Variants in SH3PXD2B observed in about 807,000 individuals in gnomAD.
SH3PXD2B encodes SH3 and PX domains 2B, also known as SH3 and PX domain-containing protein 2B.
SH3PXD2B carries 37 observed loss-of-function variants against 73.1 expected under a neutral mutation model. The ratio of observed to expected loss-of-function variants is 0.51; its 90% CI spans 0.39 to 0.67. The LOEUF is 0.67. Ranked by LOEUF, SH3PXD2B falls within the 30% of genes least tolerant of loss-of-function variation. The pLI is 0.00. For synonymous variants in SH3PXD2B, 457 were observed against 480.5 expected (o/e 0.95, Z 0.64); for missense variants, 1,053 against 1,197.8 (o/e 0.88, Z 1.78).
chr5:172,332,813 C>T (rs73317767), downstream of SH3PXD2B, among the ~76,000 whole-genome samples: 1,870 of 152,154 alleles, frequency 0.012, 36 homozygotes, highest in African/African-American at 0.042. Flanking sequence ...TGCTTGGGCA[C>T]TGCCTTTGGG....
intron 5 of SH3PXD2B, among the ~76,000 whole-genome samples, chr5:172,381,193 G>A (rs911462181): frequency 7.2e-5 from 11 of 152,190 alleles, no homozygotes; most frequent in Non-Finnish European, 1.3e-4. Flanking sequence ...GGCATCCAGC[G>A]AACGCAGCGC....
At chr5:172,444,189 G>A (rs1759610337) in intron 1 of SH3PXD2B, among the ~76,000 whole-genome samples, 1 of 152,176 alleles carries the variant, frequency 6.6e-6, no homozygotes, top group African/African-American at 2.4e-5. Flanking sequence ...GCCAGTCAGA[G>A]TCTCTCCTGG....
rs188807012 is a variant in SH3PXD2B, at chr5:172,355,657, G to A, written c.668-1652C>T. ...CCTCCCGGGTTCACGCCATTCTCCTGCCTCAGCCTCCCGAGTAGCTGGGAC... is the reference window on the plus strand; with the variant it reads ...CCTCCCGGGTTCACGCCATTCTCCTACCTCAGCCTCCCGAGTAGCTGGGAC... On this transcript the variant is annotated intron_variant, in intron 8 of 12. Coordinates refer to ENST00000311601, the MANE Select transcript of SH3PXD2B (RefSeq NM_001017995.3). Among the ~76,000 whole-genome samples, 308 of 151,792 alleles carry A rather than the reference G, an allele frequency of 2.0e-3. 1 individual carries two copies. The highest frequency in any genetic ancestry group is 3.6e-3 in the Admixed American group (55 of 15,226).
intron 7 of SH3PXD2B, among the ~76,000 whole-genome samples, chr5:172,360,927 C>T (rs1757389535): frequency 1.3e-5 from 2 of 152,230 alleles, no homozygotes; most frequent in South Asian, 4.1e-4. Context: ...GACGTGCACA[C>T]AGACATGTTC....
intron 6 of SH3PXD2B, among the ~76,000 whole-genome samples, chr5:172,365,538 G>C (rs554134361): frequency 6.6e-6 from 1 of 152,218 alleles, no homozygotes; most frequent in Non-Finnish European, 1.5e-5. Flanking sequence ...ATCTCTGGGT[G>C]TCTCAAGGCT....
intron 1 of SH3PXD2B, among the ~76,000 whole-genome samples, chr5:172,442,508 A>G (rs1368368070): frequency 6.6e-6 from 1 of 152,218 alleles, no homozygotes; most frequent in Non-Finnish European, 1.5e-5. Context: ...ATAAACATTT[A>G]GGCTACTTTG....
chr5:172,345,483 C>T (rs1756974534), intron 12 of SH3PXD2B, among the ~76,000 whole-genome samples: 1 of 152,272 alleles, frequency 6.6e-6, no homozygotes, highest in South Asian at 2.1e-4. Context: ...TTTGGTGATA[C>T]CTGTGATTGG....
At chr5:172,396,377 C>CA (rs1241312065) in intron 3 of SH3PXD2B, among the ~76,000 whole-genome samples, 101 of 135,410 alleles carry the variant, frequency 7.5e-4, no homozygotes, top group Admixed American at 2.0e-3. Flanking sequence ...GACTCCGTCT[C>CA]AAAAAAAAAA....
chr5:172,414,383 C>T (rs369920960), intron 2 of SH3PXD2B, among the ~76,000 whole-genome samples: 2 of 144,922 alleles, frequency 1.4e-5, no homozygotes, highest in South Asian at 2.2e-4. Context: ...GTGGGGGAAT[C>T]GTTTGAACCC....
Position 172,362,888 on chromosome 5 carries a change from C to T in SH3PXD2B, c.428-19G>A. ...TCACCCCCTGTGGATAGGAAACAGA[C>T]ATGACATCTGGCCACCACTCATGCA... On this transcript the variant is annotated intron_variant, in intron 6 of 12. Transcript: ENST00000311601. 6.2e-7 allele frequency: 1 copy of T among 1,613,922 alleles called. No homozygotes were observed. Among genetic ancestry groups the T allele is most frequent in the Non-Finnish European group, 8.5e-7 (1 of 1,180,020 alleles).
At chr5:172,437,966 C>T (rs1332031930) in intron 1 of SH3PXD2B, among the ~76,000 whole-genome samples, 1 of 152,206 alleles carries the variant, frequency 6.6e-6, no homozygotes, top group Non-Finnish European at 1.5e-5. Flanking sequence ...CTCATTCATT[C>T]ATTCATTTGG....
At position 172,407,737 on chromosome 5, in the gene SH3PXD2B, G is replaced by A. The variant is rs1407533006; in HGVS notation, c.157-1385C>T. ...CACCAGCTATTGTGTAGGCATTTGG[G>A]GAGGGAGGGGAGGACCCGAAGTGGG... is the stretch of plus-strand genomic sequence containing the variant. On this transcript the variant is annotated intron_variant, in intron 2 of 12. Coordinates refer to ENST00000311601, the MANE Select transcript of SH3PXD2B (RefSeq NM_001017995.3). 3.9e-5 allele frequency among the ~76,000 whole-genome samples: 6 copies of A among 152,346 alleles called. No homozygotes were observed. The South Asian group carries it at 1.2e-3, about 32-fold the overall frequency.
intron 2 of SH3PXD2B, among the ~76,000 whole-genome samples, chr5:172,413,118 A>AC (rs1343972084): frequency 2.0e-5 from 3 of 151,882 alleles, no homozygotes; most frequent in Non-Finnish European, 4.4e-5. Flanking sequence ...ATATCACAAA[A>AC]CCCCCAAGTC....
chr5:172,335,090 G>T lies in SH3PXD2B; in HGVS notation c.*3279C>A. 1 of 985,670 alleles carries T rather than the reference G, an allele frequency of 1.0e-6. No individual in the cohort carries two copies. 61.1% of individuals were successfully genotyped at this position (985,670 alleles called of 1,614,324 possible). ...CACCAATGGCAAAGAAAGATTCCGA[G>T]CAGAACATGTGAGCAAAGGCCTCTT... On this transcript the variant is annotated 3_prime_UTR_variant, in exon 13 of 13. Transcript: ENST00000311601.
rs549965207 is a variant in SH3PXD2B at position 172,360,760 on chromosome 5, A to T, written c.563-1883T>A. On this transcript the variant is annotated intron_variant, in intron 7 of 12. Transcript: ENST00000311601. ...GACAGGAGAATCACTTGAACCCGGG[A>T]GGTGGAGGCTGCAGTGAGCCAAGAT... 1.4e-3 allele frequency among the ~76,000 whole-genome samples: 211 copies of T among 152,288 alleles called. 1 individual carries two copies. The highest frequency in any genetic ancestry group is 4.9e-3 in the African/African-American group (205 of 41,572).
chr5:172,333,374 G>GC, downstream of SH3PXD2B: 1 of 401,990 alleles, frequency 2.5e-6, no homozygotes, highest in Non-Finnish European at 3.7e-6. Context: ...GAGAGGGGTC[G>GC]CCCCTATTTC....
At chr5:172,406,425 A>C in intron 2 of SH3PXD2B, 73 bp from the exon 3 acceptor site, 10 of 1,499,538 alleles carry the variant, frequency 6.7e-6, no homozygotes, top group Non-Finnish European at 9.3e-6. Context: ...CATTTTAAAG[A>C]AATTATGTGA....
chr5:172,409,904 C>T (rs772978403), intron 2 of SH3PXD2B, among the ~76,000 whole-genome samples: 13 of 152,068 alleles, frequency 8.5e-5, no homozygotes, highest in Admixed American at 1.3e-4. Flanking sequence ...TTAGTACAGA[C>T]GGGGTTTCAC....
chr5:172,349,957 C>A (rs549847653), intron 10 of SH3PXD2B, among the ~76,000 whole-genome samples: 1 of 152,080 alleles, frequency 6.6e-6, no homozygotes, highest in Non-Finnish European at 1.5e-5. Context: ...CGGGTTCAAG[C>A]GATTCTCCTA....
Sources: allele counts gnomAD v4.1 joint callset (sites outside exome capture counted in the v4.1 genomes callset), GRCh38; gene constraint gnomAD v4.1.1; transcripts MANE v1.5; gene names NCBI Gene and HGNC (gene_info 2026-07-23, HGNC 2026-07-21).